The following DST variants were observed in gnomAD, a reference collection of about 807,000 sequenced individuals.
DST encodes the protein bullous pemphigoid antigen.
In DST, 253 loss-of-function variants were observed where a neutral mutation model predicts 875.2. That is an observed-to-expected ratio of 0.29 (90% CI 0.26 to 0.32). The LOEUF (loss-of-function observed/expected upper bound fraction) is 0.32. DST is among the 10% of genes least tolerant of loss of function. The pLI, the probability that DST is intolerant of heterozygous loss-of-function variation, is 1.00. For missense variants in DST, 8,287 were observed against 9,111.6 expected (o/e 0.91, Z 3.68); for synonymous variants, 3,124 against 3,197.1 (o/e 0.98, Z 0.77).
Position 56,874,774 on chromosome 6 carries a change from C to T in DST, c.418-23170G>A, listed in dbSNP as rs1007204028. On this transcript the variant is annotated intron_variant, in intron 3 of 103. Coordinates refer to ENST00000680361, the MANE Select transcript of DST (RefSeq NM_001374736.1). ...GATCTCGAAGAAATAATAAAATTAG[C>T]ACCAAATCACCAAAAGTAGATGCCA... Among the ~76,000 whole-genome samples the T allele has an allele frequency of 3.3e-5, 5 of 152,156 alleles. No individual in the cohort carries two copies. In the East Asian group the frequency reaches 9.6e-4, roughly 29 times the overall value.
chr6:56,681,170 G>T (rs1177757927), intron 9 of DST, among the ~76,000 whole-genome samples: 1 of 151,946 alleles, frequency 6.6e-6, no homozygotes, highest in Non-Finnish European at 1.5e-5. Context: ...ATTTCCTCCT[G>T]CATTCCTAGC....
At chr6:56,581,420 G>A (rs867293350) in intron 49 of DST, among the ~76,000 whole-genome samples, 7 of 152,138 alleles carry the variant, frequency 4.6e-5, no homozygotes, top group Non-Finnish European at 8.8e-5. Context: ...AAGTGGAAAA[G>A]GTTAACAGTG....
At chr6:56,547,466 A>G (rs2097250763) in intron 61 of DST, among the ~76,000 whole-genome samples, 1 of 152,256 alleles carries the variant, frequency 6.6e-6, no homozygotes, top group African/African-American at 2.4e-5. Flanking sequence ...GGAAGGGAAC[A>G]TGCAACCCCT....
intron 37 of DST, 98 bp downstream of exon 37, chr6:56,614,258 T>A (rs2098589241): frequency 8.6e-7 from 1 of 1,161,518 alleles, no homozygotes; most frequent in African/African-American, 1.6e-5. Context: ...AATGGGAAAA[T>A]TAAGGTAAAA....
At chr6:56,587,312 C>A (rs900977105) in intron 49 of DST, among the ~76,000 whole-genome samples, 3 of 151,904 alleles carry the variant, frequency 2.0e-5, no homozygotes, top group Admixed American at 6.6e-5. Flanking sequence ...AGGGTATCAG[C>A]GATGGAAGAT....
chr6:56,480,044 C>T (rs1329747707), intron 90 of DST, among the ~76,000 whole-genome samples: 11 of 152,064 alleles, frequency 7.2e-5, no homozygotes, highest in Non-Finnish European at 1.0e-4. Flanking sequence ...TTAGACTGTT[C>T]GGTCCACAAG....
chr6:56,679,587 A>G (rs1341874631), intron 9 of DST, among the ~76,000 whole-genome samples: 1 of 146,562 alleles, frequency 6.8e-6, no homozygotes, highest in Non-Finnish European at 1.5e-5. Context: ...ACATAGGAAG[A>G]CTATGTCTCA....
intron 15 of DST, chr6:56,642,885 C>A: frequency 6.3e-7 from 1 of 1,590,730 alleles, no homozygotes; most frequent in Admixed American, 1.7e-5. Context: ...TGAAAAGTGG[C>A]AGCTGAATAT....
chr6:56,474,518 T>C lies in DST; in HGVS notation c.21865-516A>G, dbSNP rs531584995. On this transcript the variant is annotated intron_variant, in intron 92 of 103. Transcript: ENST00000680361. ...ATAAATAAATAAATAAATAAAATGT[T>C]AATGCTTGTAAAGAGAGTAAATTGA... Among the ~76,000 whole-genome samples the C allele has an allele frequency of 2.0e-5, 3 of 152,112 alleles. No individual in the cohort carries two copies. The South Asian group carries it at 6.2e-4, about 32-fold the overall frequency.
At chr6:56,901,466 A>G (rs1794049113) in intron 2 of DST, among the ~76,000 whole-genome samples, 1 of 152,136 alleles carries the variant, frequency 6.6e-6, no homozygotes, top group Non-Finnish European at 1.5e-5. Context: ...ATGCTGGTGG[A>G]CGCCAGTAAT....
intron 3 of DST, among the ~76,000 whole-genome samples, chr6:56,892,942 T>C (rs926651073): frequency 2.2e-4 from 33 of 152,326 alleles, no homozygotes; most frequent in Non-Finnish European, 4.4e-4. Context: ...ATGCAGGTCT[T>C]TCCATATGTC....
intron 9 of DST, among the ~76,000 whole-genome samples, chr6:56,688,455 T>G (rs1244796021): frequency 1.3e-5 from 2 of 152,128 alleles, no homozygotes; most frequent in East Asian, 3.8e-4. Flanking sequence ...TTTTTCAAAG[T>G]TTTTTAAATA....
At position 56,604,773 on chromosome 6, in the gene DST, T is replaced by C; in HGVS notation, c.9855A>G (p.Lys3285=). 6.2e-7 allele frequency: 1 copy of C among 1,612,926 alleles called. No homozygotes were observed. Among genetic ancestry groups the C allele is most frequent in the East Asian group, 2.2e-5 (1 of 44,850 alleles). ...LSRKHVEDVG[K]NDFLQSERCA... is the part of the protein sequence containing the mutation. ...ACCGCTCCGACTGCAGAAAATCATT[T>C]TTCCCAACATCTTCTACATGTTTAC... Residue 3285 remains lysine, a synonymous_variant, in exon 40 of 104, where the codon AAA becomes AAG. Coordinates refer to ENST00000680361, the MANE Select transcript of DST (RefSeq NM_001374736.1).
In DST at chr6:56,515,594, T is replaced by C. The variant is rs369202101; in HGVS notation, c.18432A>G (p.Glu6144=). Residue 6144 remains glutamate (E), a synonymous_variant, in exon 72 of 104, where the codon GAA becomes GAG. Transcript: ENST00000680361. ...ATTGGTTAACCAGGGACTGTGCCCGTTCCAGCTGCAGATACCTTTCTGAAT... is the reference window on the plus strand; with the variant it reads ...ATTGGTTAACCAGGGACTGTGCCCGCTCCAGCTGCAGATACCTTTCTGAAT... ...QINSERYLQL[E]RAQSLVNQFW... The C allele has an allele frequency of 9.3e-6, 15 of 1,613,756 alleles. No homozygotes were observed. In the African/African-American group the frequency reaches 1.3e-4, roughly 14 times the overall value.
chr6:56,587,106 C>G (rs1481373852), intron 49 of DST, among the ~76,000 whole-genome samples: 1 of 152,124 alleles, frequency 6.6e-6, no homozygotes, highest in East Asian at 1.9e-4. Context: ...GACGATCAAA[C>G]TACTCCGAGC....
Position 56,920,043 on chromosome 6 carries a change from T to C in DST, c.217-19422A>G, listed in dbSNP as rs982038980. ...TTTTTACAGCAATTATATAAACACATAAAAATTTTGATAAAAACAACAAAT... is the reference window on the plus strand; with the variant it reads ...TTTTTACAGCAATTATATAAACACACAAAAATTTTGATAAAAACAACAAAT... On this transcript the variant is annotated intron_variant, in intron 2 of 103. Coordinates refer to ENST00000680361, the MANE Select transcript of DST (RefSeq NM_001374736.1). Among the ~76,000 whole-genome samples, 5 of 152,186 alleles carry C rather than the reference T, an allele frequency of 3.3e-5. No homozygotes were observed. In the East Asian group the frequency reaches 5.8e-4, roughly 18 times the overall value.
At chr6:56,800,385 A>C (rs1283832739) in intron 4 of DST, among the ~76,000 whole-genome samples, 1 of 152,234 alleles carries the variant, frequency 6.6e-6, no homozygotes, top group Non-Finnish European at 1.5e-5. Context: ...TTAACTGTAC[A>C]TAGTAATAAT....
chr6:56,710,171 C>T (rs1347591512), intron 5 of DST, among the ~76,000 whole-genome samples: 2 of 152,042 alleles, frequency 1.3e-5, no homozygotes, highest in East Asian at 3.8e-4. Context: ...CCAATCTGTA[C>T]ACAATAATAG....
At position 56,604,370 on chromosome 6, in the gene DST, T is replaced by C; in HGVS notation, c.10258A>G (p.Met3420Val). 3 of 1,612,064 alleles carry C rather than the reference T, an allele frequency of 1.9e-6. No individual in the cohort carries two copies. The highest frequency in any genetic ancestry group is 2.5e-6 in the Non-Finnish European group (3 of 1,178,926). ...GGCTTTAGTTCTGATGAGTTAGTCA[T>C]GGGGGAAACTCCAGAAGAGTCACTC... The part of the protein sequence containing the change: ...QMSDSSGVSP[M>V]TNSSELKPES... Residue 3420 changes from methionine to valine, a missense_variant, in exon 40 of 104, where the codon ATG becomes GTG. Transcript: ENST00000680361.
Sources: gnomAD v4.1 joint callset for allele counts (sites outside exome capture counted in the v4.1 genomes callset) on GRCh38, gnomAD v4.1.1 for gene constraint, MANE v1.5 for transcripts, NCBI Gene and HGNC (gene_info 2026-07-23, HGNC 2026-07-21) for gene names.